The following TTC39B variants were observed in gnomAD, a reference collection of about 807,000 sequenced individuals.
TTC39B encodes the protein tetratricopeptide repeat protein 39B.
A neutral mutation model predicts 96.6 loss-of-function variants in TTC39B; 92 were observed. The observed-to-expected ratio is 0.95, with a 90% CI of 0.80 to 1.13. The LOEUF (loss-of-function observed/expected upper bound fraction) is 1.13. Among genes scored for constraint, TTC39B ranks in the 50% most tolerant of loss-of-function variants. The pLI, the probability that TTC39B is intolerant of heterozygous loss-of-function variation, is 0.00. For synonymous variants in TTC39B, 367 were observed against 299.4 expected (o/e 1.23, Z -2.33); for missense variants, 955 against 809.3 (o/e 1.18, Z -2.18).
intron 2 of TTC39B, among the ~76,000 whole-genome samples, chr9:15,260,973 G>A (rs554245507): frequency 7.4e-4 from 113 of 152,288 alleles, no homozygotes; most frequent in African/African-American, 2.5e-3. Flanking sequence ...TGAAATTTCC[G>A]TAAGATGCTC....
Position 15,223,681 on chromosome 9 carries a change from T to A in TTC39B, c.371+2236A>T, listed in dbSNP as rs139235006. ...TTCAACACATGCATTAGAAGACCTA[T>A]CAATTAAAAGGCAGAGTGAGAATGT... is the stretch of plus-strand genomic sequence containing the variant. On this transcript the variant is annotated intron_variant, in intron 3 of 19. Transcript: ENST00000512701. 3.8e-3 allele frequency among the ~76,000 whole-genome samples: 573 copies of A among 152,320 alleles called. 13 individuals carry two copies. Among genetic ancestry groups the A allele is most frequent in the Admixed American group, 0.031 (471 of 15,302 alleles).
chr9:15,220,880 C>T (rs1477390930), intron 3 of TTC39B, among the ~76,000 whole-genome samples: 1 of 152,188 alleles, frequency 6.6e-6, no homozygotes, highest in Non-Finnish European at 1.5e-5. Flanking sequence ...ACAGCCACAT[C>T]ACCCTGAACA....
intron 1 of TTC39B, 150 bp from the exon 2 acceptor site, chr9:15,268,098 T>C (rs371887247): frequency 2.0e-5 from 12 of 594,730 alleles, no homozygotes; most frequent in East Asian, 1.5e-4. Context: ...TTAACGCTTA[T>C]GGAATTCTGT....
At chr9:15,240,834 G>T (rs1029380699) in intron 2 of TTC39B, among the ~76,000 whole-genome samples, 4 of 152,070 alleles carry the variant, frequency 2.6e-5, no homozygotes, top group Admixed American at 2.6e-4. Context: ...CTTGAATGTG[G>T]TTTTTCTAAT....
At chr9:15,218,632 T>TAAAAAAAAAAAATATATATATATATATA (rs545882970) in intron 3 of TTC39B, among the ~76,000 whole-genome samples, 8 of 105,108 alleles carry the variant, frequency 7.6e-5, no homozygotes, top group African/African-American at 2.8e-4. Context: ...TTAGTCTATT[T>TAAAAAAAAAAAATATATATATATATATA]TAAATATATA....
chr9:15,222,585 T>C (rs528562208), intron 3 of TTC39B, among the ~76,000 whole-genome samples: 1 of 152,284 alleles, frequency 6.6e-6, no homozygotes, highest in African/African-American at 2.4e-5. Context: ...AACCAGTCTC[T>C]GGAACTCAGT....
intron 3 of TTC39B, among the ~76,000 whole-genome samples, chr9:15,225,277 C>G (rs1821061048): frequency 6.6e-6 from 1 of 151,950 alleles, no homozygotes; most frequent in African/African-American, 2.4e-5. Flanking sequence ...AATTTAATAT[C>G]TCTATATTTG....
At chr9:15,307,157 C>A (rs1317174245) in exon 1 of TTC39B, 3 of 1,604,890 alleles carry the variant, frequency 1.9e-6, no homozygotes, top group African/African-American at 1.3e-5. Context: ...ACCCAAAAAC[C>A]AAGCAGGGAA....
At chr9:15,278,125 A>G (rs938523008) in intron 1 of TTC39B, among the ~76,000 whole-genome samples, 1 of 152,202 alleles carries the variant, frequency 6.6e-6, no homozygotes, top group African/African-American at 2.4e-5. Flanking sequence ...GGTGGGAAAA[A>G]TGTTCCTTTT....
At chr9:15,206,354 A>G (rs1819856536) in intron 6 of TTC39B, among the ~76,000 whole-genome samples, 1 of 152,230 alleles carries the variant, frequency 6.6e-6, no homozygotes. Context: ...AATGAAAATT[A>G]CCAAGAGGAA....
chr9:15,250,426 G>T (rs1273170659), intron 2 of TTC39B, among the ~76,000 whole-genome samples: 1 of 150,192 alleles, frequency 6.7e-6, no homozygotes, highest in Admixed American at 6.6e-5. Flanking sequence ...AAAAAAAAAA[G>T]AATGATCCCT....
chr9:15,245,478 G>C (rs1040446117), intron 2 of TTC39B, among the ~76,000 whole-genome samples: 1 of 152,088 alleles, frequency 6.6e-6, no homozygotes, highest in South Asian at 2.1e-4. Context: ...AAATGGTTTT[G>C]CTATACAGGG....
At chr9:15,182,546 C>G (rs1818303871) in intron 16 of TTC39B, 131 bp from the exon 17 acceptor site, 1 of 551,094 alleles carries the variant, frequency 1.8e-6, no homozygotes, top group Non-Finnish European at 3.0e-6. Flanking sequence ...AGATCATTTT[C>G]CTTTGCTTTT....
At chr9:15,283,605 A>G (rs1823849944) in intron 1 of TTC39B, among the ~76,000 whole-genome samples, 1 of 152,224 alleles carries the variant, frequency 6.6e-6, no homozygotes. Context: ...AGTAGTTCTA[A>G]AGTTATCAAG....
chr9:15,194,845 T>C (rs1819063927), intron 8 of TTC39B, among the ~76,000 whole-genome samples: 1 of 152,216 alleles, frequency 6.6e-6, no homozygotes, highest in Non-Finnish European at 1.5e-5. Flanking sequence ...GTGTTCTGAC[T>C]GCTCTACTGA....
At chr9:15,260,623 GAA>G (rs34331539) in intron 2 of TTC39B, among the ~76,000 whole-genome samples, 45,398 of 150,466 alleles carry the variant, frequency 0.3, 10,917 homozygotes, top group African/African-American at 0.67. Flanking sequence ...CTAATGAGGG[GAA>G]AAAAAAAATG....
chr9:15,304,267 A>G (rs1785900288), intron 1 of TTC39B, among the ~76,000 whole-genome samples: 1 of 152,224 alleles, frequency 6.6e-6, no homozygotes, highest in Non-Finnish European at 1.5e-5. Context: ...TATATTCTGT[A>G]CATCTTCCAT....
chr9:15,215,919 T>G (rs1037288111), intron 3 of TTC39B, among the ~76,000 whole-genome samples: 1 of 152,110 alleles, frequency 6.6e-6, no homozygotes, highest in African/African-American at 2.4e-5. Context: ...ACTTGGTAAG[T>G]ATTTGAAGTT....
intron 6 of TTC39B, among the ~76,000 whole-genome samples, chr9:15,206,264 T>G (rs77499951): frequency 0.028 from 4,248 of 152,026 alleles, 206 homozygotes; most frequent in African/African-American, 0.099. Flanking sequence ...AGAAAAGAAC[T>G]AGTATGTTCC....
Sources: gnomAD v4.1 joint callset for allele counts (sites outside exome capture counted in the v4.1 genomes callset) on GRCh38, gnomAD v4.1.1 for gene constraint, MANE v1.5 for transcripts, NCBI Gene and HGNC (gene_info 2026-07-23, HGNC 2026-07-21) for gene names.